The following IGF2BP3 variants were observed in gnomAD, a reference collection of about 807,000 sequenced individuals.
The protein encoded by IGF2BP3 is insulin-like growth factor 2 mRNA-binding protein 3.
IGF2BP3 carries 9 observed loss-of-function variants against 73.8 expected under a neutral mutation model. The observed-to-expected ratio is 0.12, with a 90% confidence interval of 0.07 to 0.21. The LOEUF is 0.21. IGF2BP3 is among the 10% of genes least tolerant of loss of function. The probability of loss-of-function intolerance (pLI) is 1.00; values close to 1 mark genes in which losing one functional copy is unlikely to be tolerated. For missense variants in IGF2BP3, 542 were observed against 714.0 expected (o/e 0.76, Z 2.75); for synonymous variants, 258 against 256.7 (o/e 1.01, Z -0.05).
intron 10 of IGF2BP3, among the ~76,000 whole-genome samples, chr7:23,337,317 T>C (rs751065756): frequency 2.6e-5 from 4 of 152,228 alleles, no homozygotes; most frequent in Admixed American, 1.3e-4. Context: ...TGAATAATGG[T>C]GTTTTCTCTT....
At chr7:23,396,890 G>A (rs1297146525) in intron 3 of IGF2BP3, among the ~76,000 whole-genome samples, 1 of 152,172 alleles carries the variant, frequency 6.6e-6, no homozygotes, top group Non-Finnish European at 1.5e-5. Flanking sequence ...CGAGGCACTT[G>A]TCTTATTCGC....
Position 23,319,288 on chromosome 7 carries a change from A to G in IGF2BP3, c.1204-34T>C, listed in dbSNP as rs375187042. ...AAAGAAAGCCAGGACACCCATGTTT[A>G]TTTGCTACAAATCAGGCTTTTGTTA... On this transcript the variant is annotated intron_variant, in intron 10 of 14. Coordinates refer to ENST00000258729, the MANE Select transcript of IGF2BP3 (RefSeq NM_006547.3). 2.6e-4 allele frequency: 353 copies of G among 1,382,646 alleles called. 1 individual carries two copies. In the African/African-American group the frequency reaches 4.3e-3, roughly 17 times the overall value. 85.6% of individuals were successfully genotyped at this position (1,382,646 alleles called of 1,614,324 possible).
intron 2 of IGF2BP3, among the ~76,000 whole-genome samples, chr7:23,431,009 C>A (rs985741827): frequency 6.6e-6 from 1 of 152,162 alleles, no homozygotes; most frequent in African/African-American, 2.4e-5. Flanking sequence ...GAAAAAAGTG[C>A]ATCACTAAAA....
At chr7:23,402,374 T>C (rs1299594328) in intron 3 of IGF2BP3, 1 of 152,228 alleles carries the variant, frequency 6.6e-6, no homozygotes, top group Non-Finnish European at 1.5e-5. Flanking sequence ...GTTAAACTAC[T>C]CTGCAAATTT....
At chr7:23,329,087 C>G (rs911262519) in intron 10 of IGF2BP3, among the ~76,000 whole-genome samples, 8 of 152,056 alleles carry the variant, frequency 5.3e-5, no homozygotes, top group African/African-American at 1.9e-4. Flanking sequence ...GTGGCGGGCA[C>G]CTGTAGTCCC....
intron 3 of IGF2BP3, among the ~76,000 whole-genome samples, chr7:23,410,625 T>G (rs543473283): frequency 6.6e-6 from 1 of 152,172 alleles, no homozygotes; most frequent in African/African-American, 2.4e-5. Context: ...CATGAAGAAC[T>G]CTATGTCTAC....
chr7:23,442,081 C>T (rs1008738433), intron 2 of IGF2BP3, among the ~76,000 whole-genome samples: 2 of 152,308 alleles, frequency 1.3e-5, no homozygotes, highest in Admixed American at 1.3e-4. Context: ...CAGCCAAGAT[C>T]ATGCCATTGC....
chr7:23,400,292 G>C (rs1350520293), intron 3 of IGF2BP3, among the ~76,000 whole-genome samples: 3 of 152,210 alleles, frequency 2.0e-5, no homozygotes, highest in Admixed American at 6.5e-5. Context: ...CAAAGTATTA[G>C]GTTGGTACAA....
At chr7:23,459,757 A>AG (rs1157517371) in intron 2 of IGF2BP3, among the ~76,000 whole-genome samples, 1 of 151,966 alleles carries the variant, frequency 6.6e-6, no homozygotes, top group Non-Finnish European at 1.5e-5. Flanking sequence ...CTTGAACCTG[A>AG]GAGGAGGAGG....
intron 10 of IGF2BP3, among the ~76,000 whole-genome samples, chr7:23,341,242 T>C (rs902634253): frequency 6.6e-6 from 1 of 152,164 alleles, no homozygotes; most frequent in Admixed American, 6.6e-5. Context: ...TGCACAAAAC[T>C]ATCTTATCTC....
At position 23,379,281 on chromosome 7, in the gene IGF2BP3, C is replaced by G. The variant is rs372618207; in HGVS notation, c.286-17540G>C. Among the ~76,000 whole-genome samples, 170 of 152,252 alleles carry G rather than the reference C, an allele frequency of 1.1e-3. 1 individual carries two copies. Among genetic ancestry groups the G allele is most frequent in the African/African-American group, 3.8e-3 (158 of 41,548 alleles). On this transcript the variant is annotated intron_variant, in intron 3 of 14. Transcript: ENST00000258729. ...TGCTCTGTCTCAGCTAGTGTGTATT[C>G]AAGATAAAGGCATTTTTTGATCCCA...
chr7:23,392,040 AT>A (rs933380086), intron 3 of IGF2BP3, among the ~76,000 whole-genome samples: 1 of 152,240 alleles, frequency 6.6e-6, no homozygotes, highest in African/African-American at 2.4e-5. Context: ...ATGCACCCAG[AT>A]TAAAACACAC....
chr7:23,417,698 A>G (rs191954336), intron 3 of IGF2BP3, among the ~76,000 whole-genome samples: 92 of 152,314 alleles, frequency 6.0e-4, no homozygotes, highest in Non-Finnish European at 1.6e-4. Flanking sequence ...AGGGGATTGA[A>G]CTAGTAATCT....
chr7:23,377,732 C>A (rs116061280), intron 3 of IGF2BP3, among the ~76,000 whole-genome samples: 1 of 152,048 alleles, frequency 6.6e-6, no homozygotes, highest in Non-Finnish European at 1.5e-5. Context: ...GATGGATAAA[C>A]AGTAAGTGGT....
intron 3 of IGF2BP3, among the ~76,000 whole-genome samples, chr7:23,371,108 C>T (rs1305037271): frequency 6.6e-6 from 1 of 151,920 alleles, no homozygotes; most frequent in African/African-American, 2.4e-5. Flanking sequence ...TAATAAAATG[C>T]AAAGCGGGAT....
At chr7:23,386,783 G>A (rs138307191) in intron 3 of IGF2BP3, among the ~76,000 whole-genome samples, 1 of 151,766 alleles carries the variant, frequency 6.6e-6, no homozygotes, top group Non-Finnish European at 1.5e-5. Context: ...GTTAACATCA[G>A]TGGGCTGGGC....
chr7:23,466,242 C>T (rs1435108574), intron 2 of IGF2BP3, among the ~76,000 whole-genome samples: 1 of 152,018 alleles, frequency 6.6e-6, no homozygotes, highest in Admixed American at 6.6e-5. Context: ...AGGCTGGTCT[C>T]GAACTCCTGA....
chr7:23,391,504 T>C (rs1786277438), intron 3 of IGF2BP3, among the ~76,000 whole-genome samples: 1 of 152,146 alleles, frequency 6.6e-6, no homozygotes, highest in Admixed American at 6.6e-5. Flanking sequence ...TTAACAGCTG[T>C]AATGGGTTTA....
At chr7:23,317,524 T>G (rs951807781) in intron 12 of IGF2BP3, 115 bp downstream of exon 12, 1 of 760,254 alleles carries the variant, frequency 1.3e-6, no homozygotes, top group Non-Finnish European at 2.3e-6. Context: ...AGCTCTTAGA[T>G]AAGAATTTCC....
Sources: allele counts gnomAD v4.1 joint callset (sites outside exome capture counted in the v4.1 genomes callset), GRCh38; gene constraint gnomAD v4.1.1; transcripts MANE v1.5; gene names NCBI Gene and HGNC (gene_info 2026-07-23, HGNC 2026-07-21).